The following GRID1 variants were observed in gnomAD, a reference collection of about 807,000 sequenced individuals.
GRID1 encodes glutamate ionotropic receptor delta type subunit 1, also known as glutamate receptor ionotropic, delta-1.
A neutral mutation model predicts 98.0 loss-of-function variants in GRID1; 28 were observed. The observed-to-expected ratio is 0.29, with a 90% CI of 0.21 to 0.39. GRID1 has a LOEUF of 0.39. GRID1 is among the 10% of genes least tolerant of loss of function. The pLI is 1.00. For missense variants in GRID1, 1,111 were observed against 1,340.5 expected (o/e 0.83, Z 2.67); for synonymous variants, 553 against 538.5 (o/e 1.03, Z -0.37).
chr10:86,297,933 T>C (rs916262678), intron 2 of GRID1, among the ~76,000 whole-genome samples: 2 of 152,228 alleles, frequency 1.3e-5, no homozygotes, highest in African/African-American at 2.4e-5. Flanking sequence ...CAAATGCTTG[T>C]TGAGTTGTGG....
At chr10:85,979,647 T>C (rs569069132) in intron 4 of GRID1, among the ~76,000 whole-genome samples, 7 of 152,368 alleles carry the variant, frequency 4.6e-5, no homozygotes, top group African/African-American at 1.4e-4. Flanking sequence ...CATTTTAATT[T>C]GATCATCTGC....
intron 4 of GRID1, among the ~76,000 whole-genome samples, chr10:85,946,860 G>A (rs1236829104): frequency 6.6e-6 from 1 of 152,208 alleles, no homozygotes; most frequent in African/African-American, 2.4e-5. Flanking sequence ...GGTGACCTGA[G>A]AGTCAGGGAC....
intron 2 of GRID1, among the ~76,000 whole-genome samples, chr10:86,356,889 A>AGAAGGC (rs1295205833): frequency 6.6e-6 from 1 of 152,224 alleles, no homozygotes; most frequent in Non-Finnish European, 1.5e-5. Flanking sequence ...CCTGGGCAGT[A>AGAAGGC]GAAGGCTCAG....
intron 5 of GRID1, among the ~76,000 whole-genome samples, chr10:85,912,727 C>T (rs2131822310): frequency 6.6e-6 from 1 of 152,290 alleles, no homozygotes; most frequent in African/African-American, 2.4e-5. Context: ...GGTGGGAAGA[C>T]AAGGACCCAG....
intron 4 of GRID1, among the ~76,000 whole-genome samples, chr10:86,112,410 T>C (rs1844502481): frequency 1.3e-5 from 2 of 152,218 alleles, no homozygotes; most frequent in South Asian, 4.1e-4. Context: ...TACCTTCCCC[T>C]TGGTTTTATT....
At chr10:86,202,700 T>C (rs1300462122) in intron 3 of GRID1, among the ~76,000 whole-genome samples, 2 of 152,232 alleles carry the variant, frequency 1.3e-5, no homozygotes, top group Non-Finnish European at 2.9e-5. Flanking sequence ...TTGGAGCCCA[T>C]GGCTTTTCCT....
At chr10:85,890,929 G>A (rs1209696689) in intron 5 of GRID1, among the ~76,000 whole-genome samples, 1 of 152,088 alleles carries the variant, frequency 6.6e-6, no homozygotes, top group Non-Finnish European at 1.5e-5. Flanking sequence ...TTTTCATTCT[G>A]TTGTTAAATT....
chr10:85,985,344 A>G (rs1230851504), intron 4 of GRID1, among the ~76,000 whole-genome samples: 1 of 152,030 alleles, frequency 6.6e-6, no homozygotes, highest in Non-Finnish European at 1.5e-5. Flanking sequence ...CTGCCATAAA[A>G]CTCTATTTCC....
At chr10:85,611,815 A>T (rs1194705625) in intron 15 of GRID1, among the ~76,000 whole-genome samples, 1 of 152,216 alleles carries the variant, frequency 6.6e-6, no homozygotes, top group Non-Finnish European at 1.5e-5. Flanking sequence ...TGCTAGTCAG[A>T]ATAATTCACT....
chr10:85,693,183 G>T (rs1841352867), intron 12 of GRID1, among the ~76,000 whole-genome samples: 1 of 152,150 alleles, frequency 6.6e-6, no homozygotes, highest in South Asian at 2.1e-4. Context: ...GAAATCACAT[G>T]TATTTGAGAG....
intron 5 of GRID1, among the ~76,000 whole-genome samples, chr10:85,879,686 A>G (rs1485200392): frequency 2.0e-5 from 3 of 152,222 alleles, no homozygotes; most frequent in African/African-American, 7.2e-5. Context: ...TCCAAAATTG[A>G]CACCCTAACA....
chr10:86,339,716 G>A (rs1169750311), intron 2 of GRID1, among the ~76,000 whole-genome samples: 1 of 152,220 alleles, frequency 6.6e-6, no homozygotes, highest in Non-Finnish European at 1.5e-5. Context: ...GACCTCAAGA[G>A]GAGGTGTCAA....
chr10:85,862,848 T>C (rs1843177263), intron 6 of GRID1, among the ~76,000 whole-genome samples: 1 of 152,194 alleles, frequency 6.6e-6, no homozygotes, highest in Middle Eastern at 3.4e-3. Context: ...TTGATCTTCA[T>C]GAGAAAATAA....
chr10:86,248,866 T>C (rs570099667), intron 2 of GRID1, among the ~76,000 whole-genome samples: 221 of 152,312 alleles, frequency 1.5e-3, no homozygotes, highest in African/African-American at 4.8e-3. Context: ...AGCCTGGGCA[T>C]GACGATTCTT....
intron 8 of GRID1, among the ~76,000 whole-genome samples, chr10:85,831,376 C>T (rs1256789801): frequency 6.6e-6 from 1 of 151,972 alleles, no homozygotes; most frequent in Non-Finnish European, 1.5e-5. Flanking sequence ...TACACCAAAC[C>T]CCCATGACAT....
chr10:85,776,345 T>C (rs1454032208), intron 8 of GRID1, among the ~76,000 whole-genome samples: 3 of 152,238 alleles, frequency 2.0e-5, no homozygotes, highest in Non-Finnish European at 4.4e-5. Context: ...AATTTCATGC[T>C]TTCCACAACA....
At chr10:85,652,538 T>G (rs1010220443) in intron 12 of GRID1, among the ~76,000 whole-genome samples, 1 of 152,136 alleles carries the variant, frequency 6.6e-6, no homozygotes, top group Admixed American at 6.5e-5. Context: ...GGGATATCCA[T>G]CCTGGTGACT....
At chr10:85,849,169 C>T (rs566344633) in intron 8 of GRID1, among the ~76,000 whole-genome samples, 5 of 152,248 alleles carry the variant, frequency 3.3e-5, no homozygotes, top group South Asian at 4.2e-4. Flanking sequence ...CTTCTGAACC[C>T]GAGAATTTGG....
intron 12 of GRID1, among the ~76,000 whole-genome samples, chr10:85,653,725 G>T (rs770659864): frequency 6.6e-6 from 1 of 152,178 alleles, no homozygotes; most frequent in Non-Finnish European, 1.5e-5. Context: ...CAGTCATCAT[G>T]GGAGGGGAGA....
Sources: allele counts gnomAD v4.1 joint callset (sites outside exome capture counted in the v4.1 genomes callset), GRCh38; gene constraint gnomAD v4.1.1; transcripts MANE v1.5; gene names NCBI Gene and HGNC (gene_info 2026-07-23, HGNC 2026-07-21).